SCRN3: variants seen among roughly 807,000 people sequenced by gnomAD.
The protein encoded by SCRN3 is secernin-3.
In SCRN3, 39 loss-of-function variants were observed where a neutral mutation model predicts 43.1. The observed-to-expected ratio is 0.91, with a 90% CI of 0.70 to 1.18. SCRN3 has a LOEUF of 1.18. SCRN3 is among the 50% of genes most tolerant of loss of function. The pLI is 0.00. For missense variants in SCRN3, 484 were observed against 498.0 expected (o/e 0.97, Z 0.27); for synonymous variants, 147 against 163.1 (o/e 0.90, Z 0.75).
Position 174,427,819 on chromosome 2 carries a change from T to A in SCRN3, c.1199T>A (p.Val400Asp). ...QNKHLDVEKI[V>D]NLFPQCTKDE... The stretch of plus-strand genomic sequence containing the variant: ...AAGCATCTTGATGTGGAGAAAATTG[T>A]TAATCTCTTTCCTCAGTGTACAAAA... The change falls in exon 8 of 8, where the codon GTT becomes GAT. Residue 400 changes from valine (V) to aspartate (D), a missense_variant. Transcript: ENST00000272732. The A allele has an allele frequency of 6.2e-7, 1 of 1,609,452 alleles. No individual in the cohort carries two copies. Among genetic ancestry groups the A allele is most frequent in the Non-Finnish European group, 8.5e-7 (1 of 1,176,086 alleles).
intron 5 of SCRN3, among the ~76,000 whole-genome samples, chr2:174,405,649 G>A (rs1477204436): frequency 6.9e-6 from 1 of 144,686 alleles, no homozygotes; most frequent in Non-Finnish European, 1.6e-5. Flanking sequence ...GTGTAAGGGA[G>A]GGATCCAGTT....
rs771339510 is a variant in SCRN3 at position 174,399,898 on chromosome 2, ACTTTT to A, written c.160-23_160-19del. On this transcript the variant is annotated intron_variant, in intron 2 of 7. Transcript: ENST00000272732. ...TTCTGGTTTTGTGGTTCTTGCTATG[ACTTTT>A]TTTTTTTTTTTTTTACAGTGTACAT... 2 of 909,068 alleles carry A rather than the reference ACTTTT, an allele frequency of 2.2e-6. No homozygotes were observed. Among genetic ancestry groups the A allele is most frequent in the East Asian group, 3.1e-5 (1 of 32,786 alleles). The allele number at this position is 909,068 out of a possible 1,614,324, so 56.3% of individuals were successfully genotyped here. A position where few individuals can be genotyped will look rare whatever the true frequency, so the allele number is the denominator to read the frequency against.
chr2:174,399,604 T>G (rs1685434529), intron 2 of SCRN3, among the ~76,000 whole-genome samples: 2 of 152,208 alleles, frequency 1.3e-5, no homozygotes, highest in Admixed American at 6.5e-5. Context: ...TATACTTTAT[T>G]TTATCTTAAT....
chr2:174,426,214 C>T (rs1686475847), intron 7 of SCRN3, among the ~76,000 whole-genome samples: 2 of 152,112 alleles, frequency 1.3e-5, no homozygotes, highest in South Asian at 2.1e-4. Flanking sequence ...TAACTTCTAG[C>T]ATATATATGT....
rs1359556641 is a variant in SCRN3 at position 174,428,323 on chromosome 2, G to C, written c.*428G>C. 3 of 152,756 alleles carry C rather than the reference G, an allele frequency of 2.0e-5. No homozygotes were observed. The highest frequency in any genetic ancestry group is 6.5e-5 in the Admixed American group (1 of 15,276). 9.5% of individuals were successfully genotyped at this position (152,756 alleles called of 1,614,324 possible). On this transcript the variant is annotated 3_prime_UTR_variant, in exon 8 of 8. Transcript: ENST00000272732. ...TCTTTAGTCATGAAAAATATCTCAA[G>C]TGGTAAGTTGTTTGTGCTTTAGGCA... is the stretch of plus-strand genomic sequence containing the variant.
intron 7 of SCRN3, 143 bp from the exon 8 acceptor site, chr2:174,427,566 ATTCT>A (rs1686529561): frequency 2.3e-6 from 1 of 439,156 alleles, no homozygotes. Context: ...ATTTCATTTC[ATTCT>A]TTCTGTCTCT....
At chr2:174,417,936 A>C (rs1389444835) in intron 5 of SCRN3, among the ~76,000 whole-genome samples, 1 of 152,220 alleles carries the variant, frequency 6.6e-6, no homozygotes, top group Non-Finnish European at 1.5e-5. Flanking sequence ...AACAAAGATC[A>C]CTGTTGCATA....
At chr2:174,417,586 G>T (rs1686159795) in intron 5 of SCRN3, among the ~76,000 whole-genome samples, 3 of 152,028 alleles carry the variant, frequency 2.0e-5, no homozygotes, top group African/African-American at 7.2e-5. Flanking sequence ...GTAGAGACAG[G>T]GTTTCATTTT....
intron 5 of SCRN3, among the ~76,000 whole-genome samples, chr2:174,406,601 G>T (rs540879477): frequency 2.0e-5 from 3 of 150,764 alleles, no homozygotes; most frequent in Non-Finnish European, 3.0e-5. Flanking sequence ...GGGTTTGTCA[G>T]AGATAGCTCT....
intron 5 of SCRN3, among the ~76,000 whole-genome samples, chr2:174,420,348 A>C (rs2105617653): frequency 6.6e-6 from 1 of 152,332 alleles, no homozygotes; most frequent in Non-Finnish European, 1.5e-5. Flanking sequence ...GGATCAAGGT[A>C]ATCTACCTAT....
intron 5 of SCRN3, among the ~76,000 whole-genome samples, chr2:174,410,676 G>C (rs925934246): frequency 3.3e-5 from 5 of 152,124 alleles, no homozygotes; most frequent in African/African-American, 1.2e-4. Flanking sequence ...GACTATTGCT[G>C]CTGCTGCTGT....
Position 174,425,246 on chromosome 2 carries a change from T to C in SCRN3, c.1092+597T>C, listed in dbSNP as rs535115880. Among the ~76,000 whole-genome samples the C allele has an allele frequency of 3.9e-5, 6 of 152,292 alleles. No homozygotes were observed. In the East Asian group the frequency reaches 1.2e-3, roughly 29 times the overall value. On this transcript the variant is annotated intron_variant, in intron 7 of 7. Transcript: ENST00000272732. ...GCAATATATCACTCAAAATCTCTTC[T>C]CTAGAAATAAGGATTTATTTTTTTC... is the stretch of plus-strand genomic sequence containing the variant.
At chr2:174,404,437 A>C (rs1250922560) in intron 5 of SCRN3, 122 bp downstream of exon 5, 3 of 640,612 alleles carry the variant, frequency 4.7e-6, no homozygotes, top group Non-Finnish European at 7.4e-6. Context: ...TATTAAAATG[A>C]AAAATATTTA....
Position 174,412,615 on chromosome 2 carries a change from A to G in SCRN3, c.754+8300A>G, listed in dbSNP as rs575638793. ...ACCCAGATGTGGGAAGCAGTTGGGCAAAGAAGGGAGACCACCAAGGCTCTG... is the reference window on the plus strand; with the variant it reads ...ACCCAGATGTGGGAAGCAGTTGGGCGAAGAAGGGAGACCACCAAGGCTCTG... On this transcript the variant is annotated intron_variant, in intron 5 of 7. Transcript: ENST00000272732. Among the ~76,000 whole-genome samples the G allele has an allele frequency of 2.0e-5, 3 of 152,306 alleles. No individual in the cohort carries two copies. The East Asian group carries it at 5.8e-4, about 29-fold the overall frequency.
chr2:174,423,962 A>T (rs1686391618), intron 6 of SCRN3, among the ~76,000 whole-genome samples: 2 of 150,388 alleles, frequency 1.3e-5, no homozygotes, highest in African/African-American at 2.4e-5. Flanking sequence ...CTAATTTTTA[A>T]TTTTTTTGTG....
chr2:174,402,091 C>T (rs1454714678), intron 4 of SCRN3, among the ~76,000 whole-genome samples: 1 of 152,122 alleles, frequency 6.6e-6, no homozygotes, highest in Admixed American at 6.6e-5. Context: ...TTTTGACGGA[C>T]ATTTTGTTTT....
At chr2:174,396,013 C>T in intron 1 of SCRN3, 196 bp downstream of exon 1, 2 of 1,348,576 alleles carry the variant, frequency 1.5e-6, no homozygotes, top group Non-Finnish European at 1.9e-6. Context: ...GAGCCCATTA[C>T]TTTCTGTGGA....
Position 174,395,813 on chromosome 2 carries a change from G to A in SCRN3, c.-14G>A, listed in dbSNP as rs754296434. ...ACCTGTCACTTCGGGTAGCTGGGAG[G>A]CCAGGTGAGGGGCGCGCACGGGGGA... is the stretch of plus-strand genomic sequence containing the variant. On this transcript the variant is annotated 5_prime_UTR_variant, in exon 1 of 8. Coordinates refer to ENST00000272732, the MANE Select transcript of SCRN3 (RefSeq NM_024583.5). The A allele has an allele frequency of 1.3e-6, 2 of 1,535,110 alleles. No individual in the cohort carries two copies. The highest frequency in any genetic ancestry group is 4.2e-5 in the Admixed American group (2 of 48,062).
intron 5 of SCRN3, among the ~76,000 whole-genome samples, chr2:174,410,964 G>A (rs1235335666): frequency 2.6e-5 from 4 of 152,158 alleles, no homozygotes; most frequent in Non-Finnish European, 5.9e-5. Flanking sequence ...AGAGGCTAGA[G>A]TGTTAACATC....
Sources: gnomAD v4.1 joint callset for allele counts (sites outside exome capture counted in the v4.1 genomes callset) on GRCh38, gnomAD v4.1.1 for gene constraint, MANE v1.5 for transcripts, NCBI Gene and HGNC (gene_info 2026-07-23, HGNC 2026-07-21) for gene names.